DCP1A: variants seen among roughly 807,000 people sequenced by gnomAD.
DCP1A encodes the protein mRNA-decapping enzyme 1A.
DCP1A carries 20 observed loss-of-function variants against 58.0 expected under a neutral mutation model. The observed-to-expected ratio is 0.34, with a 90% CI of 0.24 to 0.50. DCP1A has a LOEUF of 0.50. Among genes scored for constraint, DCP1A ranks in the 20% least tolerant of loss-of-function variants. The pLI, the probability that DCP1A is intolerant of heterozygous loss-of-function variation, is 0.98. For missense variants in DCP1A, 613 were observed against 712.2 expected, an observed-to-expected ratio of 0.86 and a Z score of 1.59; for synonymous variants, 285 against 275.1, an observed-to-expected ratio of 1.04 and a Z score of -0.36.
At chr3:53,299,482 T>C (rs554603350) in intron 6 of DCP1A, among the ~76,000 whole-genome samples, 16 of 152,304 alleles carry the variant, frequency 1.1e-4, no homozygotes, top group African/African-American at 3.8e-4. Context: ...TCAGGTTTAA[T>C]ATGGTTCACT....
At chr3:53,288,979 C>CA (rs1451021985) in intron 8 of DCP1A, among the ~76,000 whole-genome samples, 1 of 151,562 alleles carries the variant, frequency 6.6e-6, no homozygotes, top group Middle Eastern at 3.2e-3. Context: ...TGCACCATTG[C>CA]ACTCCAGCCT....
At chr3:53,316,897 T>C (rs1707830551) in intron 4 of DCP1A, among the ~76,000 whole-genome samples, 1 of 152,186 alleles carries the variant, frequency 6.6e-6, no homozygotes, top group Non-Finnish European at 1.5e-5. Context: ...ATTTCTGGGT[T>C]CAATAAAATA....
chr3:53,335,918 G>A (rs892917100), intron 3 of DCP1A, among the ~76,000 whole-genome samples: 12 of 151,678 alleles, frequency 7.9e-5, no homozygotes, highest in Admixed American at 7.2e-4. Context: ...TCAACCTCGC[G>A]GGCTCAGGTG....
In DCP1A at chr3:53,331,503, C is replaced by T. The variant is rs782377723; in HGVS notation, c.304+10641G>A. The stretch of plus-strand genomic sequence containing the variant: ...CTCTCACATTCAGTACAGTAACATG[C>T]TGTACAGGTTTGTAGCCTCAAAGCA... On this transcript the variant is annotated intron_variant, in intron 3 of 9. Transcript: ENST00000610213. Among the ~76,000 whole-genome samples the T allele has an allele frequency of 3.9e-5, 6 of 152,190 alleles. No homozygotes were observed. In the East Asian group the frequency reaches 5.8e-4, roughly 15 times the overall value.
At position 53,292,307 on chromosome 3, in the gene DCP1A, G is replaced by A. The variant is rs200543667; in HGVS notation, c.1145C>T (p.Thr382Met). ...TGGGAGGGATGTGCCAGCTGTGTTC[G>A]TCACGTTCAATGGGGCCCTGAAGGG... ...QSPFRAPLNVTNTAGTSLPSV... is the reference protein window; with the variant it reads ...QSPFRAPLNVMNTAGTSLPSV... The change falls in exon 7 of 10, where the codon ACG becomes ATG. Residue 382 changes from threonine to methionine, a missense_variant. Physicochemically the swap from Thr to Met is moderately conservative, Grantham distance 81. Coordinates refer to ENST00000610213, the MANE Select transcript of DCP1A (RefSeq NM_018403.7). 370 of 1,613,696 alleles carry A rather than the reference G, an allele frequency of 2.3e-4. No individual in the cohort carries two copies. The African/African-American group carries it at 3.3e-3, about 14-fold the overall frequency.
intron 5 of DCP1A, among the ~76,000 whole-genome samples, chr3:53,311,901 A>T (rs528326628): frequency 6.6e-6 from 1 of 152,242 alleles, no homozygotes; most frequent in South Asian, 2.1e-4. Flanking sequence ...ATCTGGGGTA[A>T]GCAAGTTCTT....
intron 1 of DCP1A, among the ~76,000 whole-genome samples, chr3:53,345,455 C>T (rs1297553957): frequency 6.6e-6 from 1 of 152,096 alleles, no homozygotes; most frequent in Non-Finnish European, 1.5e-5. Context: ...ACAAAATCAG[C>T]TTGTTATTTT....
intron 9 of DCP1A, 89 bp from the exon 10 acceptor site, chr3:53,287,749 G>GTA: frequency 1.1e-6 from 1 of 920,884 alleles, no homozygotes; most frequent in South Asian, 1.4e-5. Flanking sequence ...GAAAAAAATT[G>GTA]TATAAATGAT....
chr3:53,292,041 C>A, intron 7 of DCP1A, 28 bp downstream of exon 7: 1 of 1,581,368 alleles, frequency 6.3e-7, no homozygotes, highest in South Asian at 1.1e-5. Context: ...GTTACCCACT[C>A]TGCCCACCCC....
chr3:53,297,033 A>C (rs1707149287), intron 6 of DCP1A, among the ~76,000 whole-genome samples: 1 of 152,230 alleles, frequency 6.6e-6, no homozygotes, highest in African/African-American at 2.4e-5. Context: ...AGTATACAGC[A>C]GTATATGAGG....
intron 5 of DCP1A, among the ~76,000 whole-genome samples, chr3:53,309,135 G>A (rs1163640806): frequency 6.6e-6 from 1 of 152,088 alleles, no homozygotes; most frequent in Non-Finnish European, 1.5e-5. Context: ...ACTTTGGGAG[G>A]CTGAGGCGGG....
intron 6 of DCP1A, among the ~76,000 whole-genome samples, chr3:53,296,468 ATG>A (rs1248278978): frequency 6.6e-6 from 1 of 152,230 alleles, no homozygotes; most frequent in Non-Finnish European, 1.5e-5. Context: ...AGCTGCAGAC[ATG>A]TTCACAGGTT....
At chr3:53,329,156 T>G (rs1388941037) in intron 3 of DCP1A, 2 of 391,602 alleles carry the variant, frequency 5.1e-6, no homozygotes, top group Non-Finnish European at 9.0e-6. Context: ...GTCTGAAGAT[T>G]TGCTCCAAAT....
At chr3:53,298,694 TG>T (rs1277415438) in intron 6 of DCP1A, among the ~76,000 whole-genome samples, 1 of 152,192 alleles carries the variant, frequency 6.6e-6, no homozygotes, top group Non-Finnish European at 1.5e-5. Context: ...ATCACCTGGA[TG>T]GTGATACTTA....
chr3:53,331,565 A>G lies in DCP1A; in HGVS notation c.304+10579T>C, dbSNP rs1327064074. On this transcript the variant is annotated intron_variant, in intron 3 of 9. Transcript: ENST00000610213. The stretch of plus-strand genomic sequence containing the variant: ...TCTAGGTGTGTAGGCTATGTCATTT[A>G]GGTTTGTGTAAGTACACTCTATGAT... Among the ~76,000 whole-genome samples the G allele has an allele frequency of 3.9e-5, 6 of 152,202 alleles. No homozygotes were observed. The East Asian group carries it at 1.2e-3, about 29-fold the overall frequency.
chr3:53,318,452 G>C (rs1553689505), intron 4 of DCP1A, among the ~76,000 whole-genome samples: 1 of 152,162 alleles, frequency 6.6e-6, no homozygotes, highest in East Asian at 1.9e-4. Flanking sequence ...GGTGGAGGGG[G>C]GAGAGAGGTC....
At chr3:53,344,040 G>A (rs2089258561) in intron 2 of DCP1A, among the ~76,000 whole-genome samples, 1 of 152,020 alleles carries the variant, frequency 6.6e-6, no homozygotes, top group Non-Finnish European at 1.5e-5. Context: ...GCATTTAGAC[G>A]AGATCTCAAA....
rs1553688736 is a variant in DCP1A at position 53,312,241 on chromosome 3, C to T, written c.510G>A (p.Arg170=). The change falls in exon 5 of 10, where the codon AGG becomes AGA. Residue 170 remains arginine, a splice_region_variant and synonymous_variant. Coordinates refer to ENST00000610213, the MANE Select transcript of DCP1A (RefSeq NM_018403.7). Reference sequence around the variant, plus strand: ...CACCCAAGTACCCAGAGAGCCTCACCCTCTCATACTCATCCTTGGCTCTGC... The same window carrying T: ...CACCCAAGTACCCAGAGAGCCTCACTCTCTCATACTCATCCTTGGCTCTGC... ...MLSRAKDEYE[R]NQMGDSNISS... 6.3e-7 allele frequency: 1 copy of T among 1,591,088 alleles called. No homozygotes were observed. Among genetic ancestry groups the T allele is most frequent in the Admixed American group, 1.8e-5 (1 of 55,538 alleles).
intron 3 of DCP1A, among the ~76,000 whole-genome samples, chr3:53,324,345 G>C (rs1324344632): frequency 6.6e-6 from 1 of 152,210 alleles, no homozygotes; most frequent in Admixed American, 6.5e-5. Context: ...CAACTGGCAA[G>C]AAAGCCCAGG....
Sources: allele counts gnomAD v4.1 joint callset (sites outside exome capture counted in the v4.1 genomes callset), GRCh38; gene constraint gnomAD v4.1.1; transcripts MANE v1.5; gene names NCBI Gene and HGNC (gene_info 2026-07-23, HGNC 2026-07-21).